AK9: variants seen among roughly 807,000 people sequenced by gnomAD.
AK9 encodes adenylate kinase domain containing 1.
In AK9, 191 loss-of-function variants were observed where a neutral mutation model predicts 239.6. That is an observed-to-expected ratio of 0.80 (90% CI 0.71 to 0.90). AK9 has a LOEUF of 0.90. AK9 is among the 40% of genes least tolerant of loss of function. The pLI is 0.00. For missense variants in AK9, 1,995 were observed against 2,214.7 expected (o/e 0.90, Z 1.99); for synonymous variants, 689 against 721.0 (o/e 0.96, Z 0.71).
intron 32 of AK9, among the ~76,000 whole-genome samples, chr6:109,512,615 T>C (rs1025479008): frequency 6.6e-6 from 1 of 152,164 alleles, no homozygotes; most frequent in Non-Finnish European, 1.5e-5. Context: ...TTCCCTTATC[T>C]CTCTTCTTTG....
intron 32 of AK9, among the ~76,000 whole-genome samples, chr6:109,510,472 T>C (rs2128108909): frequency 6.6e-6 from 1 of 152,012 alleles, no homozygotes; most frequent in East Asian, 1.9e-4. Flanking sequence ...TGCTGAGAGC[T>C]GCAGAGATGA....
chr6:109,507,727 T>TTAC (rs1778256588), intron 33 of AK9, among the ~76,000 whole-genome samples: 1 of 152,204 alleles, frequency 6.6e-6, no homozygotes, highest in Non-Finnish European at 1.5e-5. Context: ...TTTCCAGCTG[T>TTAC]TAAAGCAAAC....
At position 109,662,535 on chromosome 6, in the gene AK9, C is replaced by T. The variant is rs1179668274; in HGVS notation, c.444+16G>A. On this transcript the variant is annotated intron_variant, in intron 6 of 40. Coordinates refer to ENST00000424296, the MANE Select transcript of AK9 (RefSeq NM_001145128.3). ...AGAATGGTTTACTCTACTAGCAAAA[C>T]AATTAATATCCTTACCTTTATATTG... 2 of 1,487,914 alleles carry T rather than the reference C, an allele frequency of 1.3e-6. No homozygotes were observed. Among genetic ancestry groups the T allele is most frequent in the Non-Finnish European group, 9.0e-7 (1 of 1,117,052 alleles). The allele number at this position is 1,487,914 out of a possible 1,614,324, so 92.2% of individuals were successfully genotyped here. A position where few individuals can be genotyped will look rare whatever the true frequency, so the allele number is the denominator to read the frequency against.
At chr6:109,524,531 A>G (rs1780224712) in intron 29 of AK9, among the ~76,000 whole-genome samples, 1 of 152,204 alleles carries the variant, frequency 6.6e-6, no homozygotes, top group African/African-American at 2.4e-5. Context: ...CAAACTGTTG[A>G]AAAGCAAAGA....
chr6:109,564,030 T>G lies in AK9; in HGVS notation c.2635+50A>C, dbSNP rs758668804. On this transcript the variant is annotated intron_variant, in intron 23 of 40. Transcript: ENST00000424296. ...AGGCTTTCAAGTTTCAAAATGCTTC[T>G]AATACTATCACCTGCTGTTGATAAT... 3 of 1,473,340 alleles carry G rather than the reference T, an allele frequency of 2.0e-6. No homozygotes were observed. In the South Asian group the frequency reaches 3.9e-5, roughly 19 times the overall value. 91.3% of individuals were successfully genotyped at this position (1,473,340 alleles called of 1,614,324 possible).
chr6:109,586,089 A>G lies in AK9; in HGVS notation c.1843-17T>C, dbSNP rs1789471770. On this transcript the variant is annotated splice_polypyrimidine_tract_variant and intron_variant, in intron 17 of 40. Coordinates refer to ENST00000424296, the MANE Select transcript of AK9 (RefSeq NM_001145128.3). ...TTCCATTACCTGTGAAAAATTGTAC[A>G]CTGATATTACTATCATAGCTTGACA... The G allele has an allele frequency of 3.9e-6, 6 of 1,543,770 alleles. No individual in the cohort carries two copies. Among genetic ancestry groups the G allele is most frequent in the Admixed American group, 4.0e-5 (2 of 49,654 alleles).
intron 21 of AK9, among the ~76,000 whole-genome samples, chr6:109,568,177 C>T (rs563612560): frequency 1.3e-5 from 2 of 152,240 alleles, no homozygotes; most frequent in South Asian, 4.1e-4. Flanking sequence ...AAGACAAAAA[C>T]CACATGGTTA....
chr6:109,609,120 T>C (rs1233259429), intron 17 of AK9, among the ~76,000 whole-genome samples: 2 of 152,212 alleles, frequency 1.3e-5, no homozygotes, highest in Non-Finnish European at 2.9e-5. Flanking sequence ...CATCTAATAC[T>C]ATATATATTC....
At chr6:109,574,734 T>C (rs776789592) in intron 20 of AK9, among the ~76,000 whole-genome samples, 32 of 152,144 alleles carry the variant, frequency 2.1e-4, no homozygotes, top group Non-Finnish European at 3.5e-4. Context: ...CCAAAAGTTT[T>C]TGAGGAACAG....
chr6:109,636,747 C>G (rs1194731890), intron 10 of AK9, among the ~76,000 whole-genome samples: 1 of 131,618 alleles, frequency 7.6e-6, no homozygotes, highest in South Asian at 2.6e-4. Flanking sequence ...GAATAATATT[C>G]CATCACACAC....
In AK9 at chr6:109,541,951, G is replaced by T. The variant is rs113317682; in HGVS notation, c.3350+96C>A. 4.6e-6 allele frequency: 5 copies of T among 1,096,354 alleles called. No individual in the cohort carries two copies. In the African/African-American group the frequency reaches 4.8e-5, roughly 11 times the overall value. The allele number at this position is 1,096,354 out of a possible 1,614,324, so 67.9% of individuals were successfully genotyped here. On this transcript the variant is annotated intron_variant, in intron 27 of 40. Coordinates refer to ENST00000424296, the MANE Select transcript of AK9 (RefSeq NM_001145128.3). ...CACCAGCTTACATGAATATAAAGGA[G>T]AAAGTTCTTAAATGTATGTTAAACT...
intron 5 of AK9, among the ~76,000 whole-genome samples, chr6:109,668,111 T>C (rs1801509334): frequency 6.6e-6 from 1 of 152,248 alleles, no homozygotes; most frequent in Non-Finnish European, 1.5e-5. Context: ...TGTGAGATGA[T>C]ATCTCATTGT....
intron 17 of AK9, among the ~76,000 whole-genome samples, chr6:109,592,394 T>C (rs1367320189): frequency 6.6e-6 from 1 of 151,640 alleles, no homozygotes; most frequent in Non-Finnish European, 1.5e-5. Flanking sequence ...TCCAATATCT[T>C]CTGGCTCATA....
chr6:109,610,561 G>A, intron 16 of AK9, 48 bp from the exon 17 acceptor site: 1 of 1,500,928 alleles, frequency 6.7e-7, no homozygotes, highest in Non-Finnish European at 9.0e-7. Flanking sequence ...AATTTTAGTG[G>A]ACAATACTAC....
rs1352908726 is a variant in AK9, at chr6:109,493,317, T to C, written c.*52A>G. Reference sequence around the variant, plus strand: ...TTCAATCTACTTCTCTCAGTTTCCCTCTATCACTTTCAGATAACTCTTGAG... The same window carrying C: ...TTCAATCTACTTCTCTCAGTTTCCCCCTATCACTTTCAGATAACTCTTGAG... On this transcript the variant is annotated 3_prime_UTR_variant, in exon 41 of 41. Coordinates refer to ENST00000424296, the MANE Select transcript of AK9 (RefSeq NM_001145128.3). 5 of 1,558,228 alleles carry C rather than the reference T, an allele frequency of 3.2e-6. No individual in the cohort carries two copies. Among genetic ancestry groups the C allele is most frequent in the Non-Finnish European group, 4.4e-6 (5 of 1,136,452 alleles).
At chr6:109,625,586 A>G (rs1024465577) in intron 12 of AK9, among the ~76,000 whole-genome samples, 1 of 152,156 alleles carries the variant, frequency 6.6e-6, no homozygotes, top group African/African-American at 2.4e-5. Context: ...TGTGAACTGC[A>G]CATGCGAGGG....
At chr6:109,536,809 A>C (rs1782062620) in intron 27 of AK9, among the ~76,000 whole-genome samples, 1 of 152,210 alleles carries the variant, frequency 6.6e-6, no homozygotes, top group Admixed American at 6.5e-5. Context: ...AGTGTTTAGC[A>C]TGAAGGGCTG....
At chr6:109,551,781 A>AGG (rs34503277) in intron 24 of AK9, among the ~76,000 whole-genome samples, 1 of 147,952 alleles carries the variant, frequency 6.8e-6, no homozygotes, top group Non-Finnish European at 1.5e-5. Flanking sequence ...AAAAAAAAAA[A>AGG]GGGGGGTACA....
intron 8 of AK9, among the ~76,000 whole-genome samples, chr6:109,655,266 A>G (rs1799526546): frequency 6.6e-6 from 1 of 152,184 alleles, no homozygotes; most frequent in African/African-American, 2.4e-5. Context: ...ATGATATTTC[A>G]TTACTTAGAT....
Sources: allele counts gnomAD v4.1 joint callset (sites outside exome capture counted in the v4.1 genomes callset), GRCh38; gene constraint gnomAD v4.1.1; transcripts MANE v1.5; gene names NCBI Gene and HGNC (gene_info 2026-07-23, HGNC 2026-07-21).